CADM2: variants seen among roughly 807,000 people sequenced by gnomAD.
CADM2 encodes the protein cell adhesion molecule 2.
Under a neutral mutation model 49.8 loss-of-function variants are expected in CADM2, and 12 were observed. The observed-to-expected ratio is 0.24, with a 90% CI of 0.15 to 0.39. CADM2 has a LOEUF of 0.39. CADM2 is among the 10% of genes least tolerant of loss of function. The probability of loss-of-function intolerance (pLI) is 1.00; values close to 1 mark genes in which losing one functional copy is unlikely to be tolerated. For missense variants in CADM2, 378 were observed against 492.3 expected, an observed-to-expected ratio of 0.77 and a Z score of 2.20; for synonymous variants, 214 against 175.4, an observed-to-expected ratio of 1.22 and a Z score of -1.74.
intron 1 of CADM2, among the ~76,000 whole-genome samples, chr3:85,076,531 A>G (rs2107488159): frequency 6.6e-6 from 1 of 151,804 alleles, no homozygotes; most frequent in East Asian, 2.0e-4. Flanking sequence ...TATTTTTAGT[A>G]GAGACTGGTT....
intron 1 of CADM2, among the ~76,000 whole-genome samples, chr3:85,609,821 G>A (rs2063629675): frequency 6.6e-6 from 1 of 152,012 alleles, no homozygotes; most frequent in Non-Finnish European, 1.5e-5. Context: ...ATCGTAATGT[G>A]TTTTAAAAGA....
chr3:85,152,228 T>C (rs1320894384), intron 1 of CADM2, among the ~76,000 whole-genome samples: 2 of 152,148 alleles, frequency 1.3e-5, no homozygotes, highest in South Asian at 2.1e-4. Flanking sequence ...CTCTGTAAAG[T>C]TGGTTTACTT....
chr3:85,961,322 G>A (rs920725898), intron 7 of CADM2, 147 bp from the exon 8 acceptor site: 2 of 577,454 alleles, frequency 3.5e-6, no homozygotes, highest in South Asian at 6.2e-5. Flanking sequence ...TTGAGTGAGT[G>A]TGTGATGGTC....
At chr3:85,307,573 A>C (rs1022559601) in intron 1 of CADM2, among the ~76,000 whole-genome samples, 1 of 151,858 alleles carries the variant, frequency 6.6e-6, no homozygotes, top group Admixed American at 6.6e-5. Context: ...AATTTATTTC[A>C]TTGTTTGGAA....
intron 1 of CADM2, among the ~76,000 whole-genome samples, chr3:85,156,618 C>G (rs1041763734): frequency 2.0e-5 from 3 of 152,140 alleles, no homozygotes; most frequent in African/African-American, 4.8e-5. Context: ...CTCCCTAACT[C>G]ATTTTATGAG....
At chr3:85,459,545 C>T (rs2038144990) in intron 1 of CADM2, among the ~76,000 whole-genome samples, 1 of 152,174 alleles carries the variant, frequency 6.6e-6, no homozygotes, top group Non-Finnish European at 1.5e-5. Flanking sequence ...AAAAAAGTTA[C>T]ATTCTTATTA....
At chr3:85,975,615 A>G (rs1726680555) in intron 8 of CADM2, among the ~76,000 whole-genome samples, 1 of 151,680 alleles carries the variant, frequency 6.6e-6, no homozygotes. Flanking sequence ...ATCTAAAAAT[A>G]CAAACTACAA....
At chr3:85,818,034 T>A (rs896087334) in intron 3 of CADM2, among the ~76,000 whole-genome samples, 10 of 152,118 alleles carry the variant, frequency 6.6e-5, no homozygotes, top group African/African-American at 2.2e-4. Flanking sequence ...GAAGTTGAGA[T>A]CTTATATACT....
At chr3:85,134,555 G>A (rs1359331597) in intron 1 of CADM2, among the ~76,000 whole-genome samples, 1 of 152,134 alleles carries the variant, frequency 6.6e-6, no homozygotes, top group Non-Finnish European at 1.5e-5. Context: ...AGCAGAGTTG[G>A]TTATACATGT....
At chr3:85,563,548 C>G (rs1055194904) in intron 1 of CADM2, among the ~76,000 whole-genome samples, 1 of 152,064 alleles carries the variant, frequency 6.6e-6, no homozygotes, top group Admixed American at 6.6e-5. Flanking sequence ...AGCATGACTC[C>G]TTGAATGAAA....
At chr3:85,845,240 C>G (rs956585132) in intron 3 of CADM2, among the ~76,000 whole-genome samples, 1 of 151,748 alleles carries the variant, frequency 6.6e-6, no homozygotes, top group Non-Finnish European at 1.5e-5. Context: ...TTTATTCTGG[C>G]ATGGCTCTCA....
At chr3:85,230,679 A>G (rs2042265490) in intron 1 of CADM2, among the ~76,000 whole-genome samples, 1 of 152,210 alleles carries the variant, frequency 6.6e-6, no homozygotes, top group African/African-American at 2.4e-5. Flanking sequence ...TAACAACAGT[A>G]TTAACTCTCA....
Position 85,568,469 on chromosome 3 carries a change from C to CTTTCTTTCTTTCTTTCTTTCTT in CADM2, c.62-158052_62-158051insTTCTTTCTTTCTTTCTTTCTTT, listed in dbSNP as rs374134738. On this transcript the variant is annotated intron_variant, in intron 1 of 9. Transcript: ENST00000383699. ...TTTCTTTCTTTCTTTCTTTCTCTTT[C>CTTTCTTTCTTTCTTTCTTTCTT]TCTCTCTTTCTTTCTTTCTTTCTTT... Among the ~76,000 whole-genome samples, 22 of 11,140 alleles carry CTTTCTTTCTTTCTTTCTTTCTT rather than the reference C, an allele frequency of 2.0e-3. 2 individuals are homozygous for CTTTCTTTCTTTCTTTCTTTCTT. Among genetic ancestry groups the CTTTCTTTCTTTCTTTCTTTCTT allele is most frequent in the Admixed American group, 3.4e-3 (3 of 894 alleles). 7.3% of individuals were successfully genotyped at this position (11,140 alleles called of 152,430 possible).
intron 6 of CADM2, among the ~76,000 whole-genome samples, chr3:85,932,498 A>G (rs183019468): frequency 2.0e-5 from 3 of 152,294 alleles, no homozygotes; most frequent in African/African-American, 7.2e-5. Flanking sequence ...TCATCAAAGA[A>G]CAGAATTTGA....
At chr3:85,344,219 C>CA (rs544073309) in intron 1 of CADM2, among the ~76,000 whole-genome samples, 6,313 of 141,084 alleles carry the variant, frequency 0.045, 354 homozygotes, top group African/African-American at 0.13. Context: ...ACTAAAAATA[C>CA]AAAAAAAAAA....
intron 1 of CADM2, among the ~76,000 whole-genome samples, chr3:84,968,281 C>G (rs910527354): frequency 6.6e-6 from 1 of 151,972 alleles, no homozygotes; most frequent in Non-Finnish European, 1.5e-5. Context: ...TCCCTTTACT[C>G]ATGTGCAGCT....
chr3:85,417,187 C>T (rs2035955593), intron 1 of CADM2, among the ~76,000 whole-genome samples: 1 of 151,942 alleles, frequency 6.6e-6, no homozygotes, highest in Admixed American at 6.6e-5. Context: ...ATTTTGTACC[C>T]ATTTATTTCT....
intron 3 of CADM2, among the ~76,000 whole-genome samples, chr3:85,853,891 T>C (rs1274855815): frequency 6.6e-6 from 1 of 152,150 alleles, no homozygotes; most frequent in Non-Finnish European, 1.5e-5. Flanking sequence ...AACTTTTTCA[T>C]GAGCTAACCT....
intron 8 of CADM2, among the ~76,000 whole-genome samples, chr3:86,052,065 A>G (rs759415593): frequency 3.3e-5 from 5 of 152,166 alleles, no homozygotes; most frequent in Admixed American, 3.3e-4. Context: ...GAAAAAATGG[A>G]TTTATTTGAA....
Sources: gnomAD v4.1 joint callset for allele counts (sites outside exome capture counted in the v4.1 genomes callset) on GRCh38, gnomAD v4.1.1 for gene constraint, MANE v1.5 for transcripts, NCBI Gene and HGNC (gene_info 2026-07-23, HGNC 2026-07-21) for gene names.